The following ATL1 variants were observed in gnomAD, a reference collection of about 807,000 sequenced individuals.
ATL1 encodes the protein atlastin-1.
Under a neutral mutation model 75.5 loss-of-function variants are expected in ATL1, and 31 were observed. The observed-to-expected ratio is 0.41, with a 90% CI of 0.31 to 0.55. The LOEUF (loss-of-function observed/expected upper bound fraction) is 0.55, where lower values mean the gene tolerates loss of function less well. Ranked by LOEUF, ATL1 falls within the 20% of genes least tolerant of loss-of-function variation. The pLI is 0.27. For missense variants in ATL1, 405 were observed against 662.6 expected, an observed-to-expected ratio of 0.61 and a Z score of 4.27; for synonymous variants, 226 against 233.3, an observed-to-expected ratio of 0.97 and a Z score of 0.28.
At chr14:50,606,582 T>A (rs1261401649) in intron 6 of ATL1, among the ~76,000 whole-genome samples, 2 of 151,924 alleles carry the variant, frequency 1.3e-5, no homozygotes, top group Non-Finnish European at 2.9e-5. Flanking sequence ...CTCTTGAAGG[T>A]TTTGTAGGGA....
intron 1 of ATL1, among the ~76,000 whole-genome samples, chr14:50,545,306 G>A (rs1409986528): frequency 6.6e-6 from 1 of 152,136 alleles, no homozygotes; most frequent in Non-Finnish European, 1.5e-5. Flanking sequence ...TCACGTTTTG[G>A]TCTCAGCTCC....
chr14:50,605,122 C>G (rs150239123), intron 6 of ATL1, among the ~76,000 whole-genome samples: 174 of 151,742 alleles, frequency 1.1e-3, no homozygotes, highest in Middle Eastern at 6.8e-3. Flanking sequence ...CTCCTATTAG[C>G]TTGTCTCTAA....
At chr14:50,629,411 G>A (rs995976764) in intron 12 of ATL1, among the ~76,000 whole-genome samples, 14 of 151,802 alleles carry the variant, frequency 9.2e-5, no homozygotes, top group African/African-American at 2.7e-4. Flanking sequence ...GAGAAACCCC[G>A]TCTCTACTAA....
At chr14:50,553,718 A>G (rs150557767) in intron 1 of ATL1, among the ~76,000 whole-genome samples, 1 of 152,318 alleles carries the variant, frequency 6.6e-6, no homozygotes, top group Non-Finnish European at 1.5e-5. Flanking sequence ...CCATCAACCA[A>G]TGAGCGGATA....
intron 5 of ATL1, among the ~76,000 whole-genome samples, chr14:50,594,728 C>T (rs533817728): frequency 6.6e-6 from 1 of 152,320 alleles, no homozygotes; most frequent in South Asian, 2.1e-4. Flanking sequence ...GGTGCAGTGG[C>T]TTACGCCTGT....
chr14:50,616,448 A>G (rs1183942928), intron 8 of ATL1, among the ~76,000 whole-genome samples: 2 of 148,232 alleles, frequency 1.3e-5, no homozygotes, highest in Admixed American at 1.4e-4. Context: ...GTGTGCCACC[A>G]TGCCCGGTTA....
At chr14:50,558,420 A>T (rs970022585), upstream of ATL1, among the ~76,000 whole-genome samples, 1 of 152,208 alleles carries the variant, frequency 6.6e-6, no homozygotes, top group African/African-American at 2.4e-5. Flanking sequence ...ACTAATATGA[A>T]ATTGATTCAG....
At chr14:50,617,413 T>C (rs1304021807) in intron 8 of ATL1, among the ~76,000 whole-genome samples, 1 of 152,152 alleles carries the variant, frequency 6.6e-6, no homozygotes, top group Non-Finnish European at 1.5e-5. Context: ...TAGTACCATA[T>C]GTAGAATGAG....
rs58216994 is a variant in ATL1 at position 50,550,195 on chromosome 14, G to A, written c.-139-9932G>A. Reference sequence around the variant, plus strand: ...AGTGCAGATTGCATAGGCAAGGCTGGAAGCTTACCAATTGGCTACTATACC... The same window carrying A: ...AGTGCAGATTGCATAGGCAAGGCTGAAAGCTTACCAATTGGCTACTATACC... On this transcript the variant is annotated intron_variant, in intron 1 of 13. Coordinates refer to the ATL1 transcript ENST00000441560. Among the ~76,000 whole-genome samples the A allele has an allele frequency of 5.4e-3, 815 of 152,322 alleles. 7 individuals are homozygous for A. The highest frequency in any genetic ancestry group is 0.019 in the African/African-American group (778 of 41,564).
intron 7 of ATL1, 38 bp downstream of exon 7, chr14:50,613,389 A>G: frequency 6.8e-7 from 1 of 1,467,828 alleles, no homozygotes. Flanking sequence ...TTTCACTAAT[A>G]ATCTGGAATT....
chr14:50,595,478 TGAAA>T (rs2039206140), intron 5 of ATL1, 94 bp from the exon 6 acceptor site: 1 of 1,125,158 alleles, frequency 8.9e-7, no homozygotes, highest in Admixed American at 1.8e-5. Flanking sequence ...GAAAAGTAAA[TGAAA>T]GAAAGCCAAG....
At chr14:50,611,561 A>C (rs1463479221) in intron 6 of ATL1, among the ~76,000 whole-genome samples, 1 of 152,130 alleles carries the variant, frequency 6.6e-6, no homozygotes, top group African/African-American at 2.4e-5. Flanking sequence ...TAAAGGTGAA[A>C]CATATATTTA....
intron 8 of ATL1, among the ~76,000 whole-genome samples, chr14:50,617,852 TA>T (rs1242032034): frequency 6.6e-6 from 1 of 152,252 alleles, no homozygotes; most frequent in African/African-American, 2.4e-5. Context: ...TGTGTTCAAC[TA>T]ACATTAGCAA....
chr14:50,630,834 C>A (rs2039572568), intron 13 of ATL1: 19 of 353,466 alleles, frequency 5.4e-5, no homozygotes, highest in East Asian at 9.4e-5. Flanking sequence ...TAAATCAAAG[C>A]TTAAGAAAAA....
At chr14:50,613,419 G>T in intron 7 of ATL1, 68 bp downstream of exon 7, 2 of 1,215,808 alleles carry the variant, frequency 1.6e-6, no homozygotes. Flanking sequence ...GGATCATTTG[G>T]TGAATAGATA....
At chr14:50,543,157 C>T (rs116786995) in intron 1 of ATL1, among the ~76,000 whole-genome samples, 2,274 of 152,300 alleles carry the variant, frequency 0.015, 49 homozygotes, top group African/African-American at 0.051. Flanking sequence ...AGTGTGCCTA[C>T]GTGACAATAG....
At chr14:50,608,663 G>A (rs1334740064) in intron 6 of ATL1, among the ~76,000 whole-genome samples, 1 of 151,712 alleles carries the variant, frequency 6.6e-6, no homozygotes, top group East Asian at 1.9e-4. Flanking sequence ...TTGGGAAGAT[G>A]GCCAGTGAAA....
At chr14:50,590,576 C>T (rs989588745) in intron 2 of ATL1, among the ~76,000 whole-genome samples, 1 of 152,064 alleles carries the variant, frequency 6.6e-6, no homozygotes, top group African/African-American at 2.4e-5. Flanking sequence ...CTTGCCTGAC[C>T]AATGGTTAGT....
intron 4 of ATL1, among the ~76,000 whole-genome samples, chr14:50,592,970 T>C (rs1369045692): frequency 1.3e-5 from 1 of 78,600 alleles, no homozygotes; most frequent in Admixed American, 1.1e-4. Flanking sequence ...GTGTGTAAAT[T>C]ATATATATAT....
Sources: allele counts gnomAD v4.1 joint callset (sites outside exome capture counted in the v4.1 genomes callset), GRCh38; gene constraint gnomAD v4.1.1; transcripts MANE v1.5; gene names NCBI Gene and HGNC (gene_info 2026-07-23, HGNC 2026-07-21).